The following WNT7B variants were observed in gnomAD, a reference collection of about 807,000 sequenced individuals.
The protein encoded by WNT7B is protein Wnt-7b.
Under a neutral mutation model 38.2 loss-of-function variants are expected in WNT7B, and 19 were observed. That is an observed-to-expected ratio of 0.50 (90% CI 0.35 to 0.73). The LOEUF is 0.73. Ranked by LOEUF, WNT7B falls within the 30% of genes least tolerant of loss-of-function variation. The pLI is 0.01. For synonymous variants in WNT7B, 243 were observed against 209.3 expected, an observed-to-expected ratio of 1.16 and a Z score of -1.39; for missense variants, 423 against 507.9, an observed-to-expected ratio of 0.83 and a Z score of 1.61.
rs1318445277 is a variant in WNT7B at position 45,966,406 on chromosome 22, C to T, written c.71+10278G>A. Among the ~76,000 whole-genome samples, 1 of 152,230 alleles carries T rather than the reference C, an allele frequency of 6.6e-6. No individual in the cohort carries two copies. The highest frequency in any genetic ancestry group is 1.5e-5 in the Non-Finnish European group (1 of 68,036). ...ACCACCAGTCCTTGTGCCCGGGCTC[C>T]CTCCGGCCTGGCCCATTCAGAGCTC... On this transcript the variant is annotated intron_variant, in intron 1 of 3. Coordinates refer to ENST00000339464, the MANE Select transcript of WNT7B (RefSeq NM_058238.3). The surrounding 1 kb of genome is among the most constrained non-coding windows in gnomAD (Gnocchi z 4.2).
At chr22:45,926,304 AGCTCATCTT>A in intron 3 of WNT7B, 2 of 985,338 alleles carry the variant, frequency 2.0e-6, no homozygotes, top group African/African-American at 3.5e-5. Flanking sequence ...GCACAGAGTG[AGCTCATCTT>A]GCTCAGGGGA....
At chr22:45,956,522 C>T (rs545621340) in intron 1 of WNT7B, among the ~76,000 whole-genome samples, 15 of 152,350 alleles carry the variant, frequency 9.8e-5, no homozygotes, top group Admixed American at 3.9e-4. Flanking sequence ...CACCCACCAC[C>T]GATGGGTCCA....
At position 45,920,708 on chromosome 22, in the gene WNT7B, A is replaced by G. The variant is rs1469633033; in HGVS notation, c.*2148T>C. ...GATGGGGGATGGGGTCAGGGATGGGATGGGGGATGGGATGAGGGATGAGAT... is the reference window on the plus strand; with the variant it reads ...GATGGGGGATGGGGTCAGGGATGGGGTGGGGGATGGGATGAGGGATGAGAT... On this transcript the variant is annotated 3_prime_UTR_variant, in exon 4 of 4. Coordinates refer to ENST00000339464, the MANE Select transcript of WNT7B (RefSeq NM_058238.3). The G allele has an allele frequency of 2.2e-5, 1 of 45,924 alleles. No homozygotes were observed. Among genetic ancestry groups the G allele is most frequent in the Non-Finnish European group, 4.1e-5 (1 of 24,596 alleles). 2.8% of individuals were successfully genotyped at this position (45,924 alleles called of 1,614,324 possible).
intron 1 of WNT7B, among the ~76,000 whole-genome samples, chr22:45,969,454 C>G (rs1311479486): frequency 1.3e-5 from 2 of 152,252 alleles, no homozygotes; most frequent in African/African-American, 4.8e-5. Context: ...GCACCACAAG[C>G]CTTCCTCTTG....
chr22:45,930,689 A>T (rs1217918466), intron 3 of WNT7B, among the ~76,000 whole-genome samples: 1 of 152,204 alleles, frequency 6.6e-6, no homozygotes, highest in East Asian at 1.9e-4. Flanking sequence ...TTGCTGAGCA[A>T]AAAGGCTGCC....
At position 45,931,274 on chromosome 22, in the gene WNT7B, C is replaced by A. The variant is rs768926470; in HGVS notation, c.394G>T (p.Gly132Cys). 1 of 1,598,688 alleles carries A rather than the reference C, an allele frequency of 6.3e-7. No homozygotes were observed. Among genetic ancestry groups the A allele is most frequent in the African/African-American group, 1.3e-5 (1 of 75,062 alleles). The change falls in exon 3 of 4, where the codon GGC (glycine) becomes TGC (cysteine). Residue 132 changes from glycine (G) to cysteine (C), a missense_variant. Transcript: ENST00000339464. ...TAGCCCTGCTTCTCGCGGTCGCAGC[C>A]GCAGTTGCTCAGGTTCCCTTGGCTG... ...ACSQGNLSNCGCDREKQGYYN... is the reference protein window; with the variant it reads ...ACSQGNLSNCCCDREKQGYYN...
intron 2 of WNT7B, among the ~76,000 whole-genome samples, chr22:45,947,889 G>A (rs1444799323): frequency 6.6e-6 from 1 of 152,144 alleles, no homozygotes. Flanking sequence ...CAGGATCGAG[G>A]AACAGGACAG....
At position 45,922,855 on chromosome 22, in the gene WNT7B, C is replaced by G. The variant is rs906009740; in HGVS notation, c.*1G>C. ...GCCCGCGGCCGCCTCCGGGCCTGGC[C>G]TCACTTGCAGGTGAAGACCTCGGTG... On this transcript the variant is annotated 3_prime_UTR_variant, in exon 4 of 4. Transcript: ENST00000339464. 6.3e-7 allele frequency: 1 copy of G among 1,592,176 alleles called. No homozygotes were observed. Among genetic ancestry groups the G allele is most frequent in the African/African-American group, 1.3e-5 (1 of 74,556 alleles).
At chr22:45,952,486 T>TG (rs1378770445) in intron 1 of WNT7B, among the ~76,000 whole-genome samples, 1 of 152,200 alleles carries the variant, frequency 6.6e-6, no homozygotes, top group Non-Finnish European at 1.5e-5. Context: ...GGCTGGAATC[T>TG]GGGGAATTCA....
chr22:45,956,670 G>C (rs1290527737), intron 1 of WNT7B, among the ~76,000 whole-genome samples: 1 of 152,230 alleles, frequency 6.6e-6, no homozygotes, highest in Non-Finnish European at 1.5e-5. Flanking sequence ...GTCAACAGGA[G>C]GATAGATAAA....
Position 45,931,209 on chromosome 22 carries a change from C to A in WNT7B, c.459G>T (p.Ser153=). The change falls in exon 3 of 4, where the codon TCG becomes TCT. Residue 153 remains serine, a synonymous_variant. Coordinates refer to ENST00000339464, the MANE Select transcript of WNT7B (RefSeq NM_058238.3). ...QAEGWKWGGC[S]ADVRYGIDFS... is the part of the protein sequence containing the mutation. ...AGTCGATGCCGTAACGCACGTCGGC[C>A]GAGCAGCCGCCCCACTTCCAGCCCT... 1.3e-6 allele frequency: 2 copies of A among 1,599,342 alleles called. No individual in the cohort carries two copies. The highest frequency in any genetic ancestry group is 1.7e-6 in the Non-Finnish European group (2 of 1,179,816).
chr22:45,929,858 T>TTCCATCCA (rs917478764), intron 3 of WNT7B, among the ~76,000 whole-genome samples: 2 of 105,228 alleles, frequency 1.9e-5, no homozygotes, highest in Non-Finnish European at 3.9e-5. Context: ...CCACTCATCC[T>TTCCATCCA]TCCATCCATC....
At chr22:45,969,209 C>T (rs540560288) in intron 1 of WNT7B, among the ~76,000 whole-genome samples, 7 of 152,362 alleles carry the variant, frequency 4.6e-5, no homozygotes, top group South Asian at 2.1e-4. Context: ...AGTGCCCCCC[C>T]ACCCTGCCAC....
At chr22:45,926,603 A>G (rs1718392629) in intron 3 of WNT7B, 1 of 985,178 alleles carries the variant, frequency 1.0e-6, no homozygotes, top group African/African-American at 1.7e-5. Flanking sequence ...GACAGAAGGC[A>G]CCTCACCCTG....
chr22:45,976,012 G>GGCCGC lies in WNT7B; in HGVS notation c.71+667_71+671dup, dbSNP rs1257813270. ...CGGCTCGCCGGGCGCCCGCCCGCCGGGCCGCGCCAGGGGGAGCGCGGCGAG... is the reference window on the plus strand; with the variant it reads ...CGGCTCGCCGGGCGCCCGCCCGCCGGGCCGCGCCGCGCCAGGGGGAGCGCGGCGAG... On this transcript the variant is annotated intron_variant, in intron 1 of 3. Coordinates refer to ENST00000339464, the MANE Select transcript of WNT7B (RefSeq NM_058238.3). This position sits in a 1 kb window ranked among gnomAD's most constrained non-coding sequence, Gnocchi z 8.5. 3 of 145,954 alleles carry GGCCGC rather than the reference G, an allele frequency of 2.1e-5. No individual in the cohort carries two copies. Among genetic ancestry groups the GGCCGC allele is most frequent in the African/African-American group, 2.5e-5 (1 of 40,468 alleles). 9.0% of individuals were successfully genotyped at this position (145,954 alleles called of 1,614,324 possible).
intron 1 of WNT7B, among the ~76,000 whole-genome samples, chr22:45,969,335 C>G (rs73446575): frequency 0.013 from 2,050 of 152,340 alleles, 47 homozygotes; most frequent in African/African-American, 0.047. Context: ...TCAGAGCCAA[C>G]CCCCACATCT....
chr22:45,925,462 GC>G, intron 3 of WNT7B: 1 of 985,324 alleles, frequency 1.0e-6, no homozygotes, highest in Non-Finnish European at 1.2e-6. Context: ...GGGCGGGGCA[GC>G]TTTGGGGAAT....
At position 45,948,827 on chromosome 22, in the gene WNT7B, CTTTTTTTTTTTT is replaced by C. The variant is rs749735538; in HGVS notation, c.298+1081_298+1092del. 7.8e-3 allele frequency among the ~76,000 whole-genome samples: 704 copies of C among 90,184 alleles called. 6 individuals carry two copies. The highest frequency in any genetic ancestry group is 0.018 in the South Asian group (33 of 1,806). The allele number at this position is 90,184 out of a possible 152,430, so 59.2% of individuals were successfully genotyped here. On this transcript the variant is annotated intron_variant, in intron 2 of 3. Coordinates refer to ENST00000339464, the MANE Select transcript of WNT7B (RefSeq NM_058238.3). ...AACCCAGGTCAGGCTCCAAAGATCC[CTTTTTTTTTTTT>C]TTTTTTTTTTTTTTTTTTCCCCTGA...
chr22:45,948,155 C>T (rs1389662805), intron 2 of WNT7B, among the ~76,000 whole-genome samples: 2 of 152,222 alleles, frequency 1.3e-5, no homozygotes, highest in South Asian at 2.1e-4. Context: ...CCCGGGGGCT[C>T]GGCCGGGAGG....
Sources: gnomAD v4.1 joint callset for allele counts (sites outside exome capture counted in the v4.1 genomes callset) on GRCh38, gnomAD v4.1.1 for gene constraint, Gnocchi (gnomAD v3.1) non-coding constraint, MANE v1.5 for transcripts, NCBI Gene and HGNC (gene_info 2026-07-23, HGNC 2026-07-21) for gene names.